Variants in TRPM4 observed in about 807,000 individuals in gnomAD.
TRPM4 encodes the protein transient receptor potential cation channel subfamily M member 4.
A neutral mutation model predicts 135.6 loss-of-function variants in TRPM4; 124 were observed. The observed-to-expected ratio is 0.91, with a 90% CI of 0.79 to 1.06. The LOEUF is 1.06. Ranked by LOEUF, TRPM4 falls within the 50% of genes least tolerant of loss-of-function variation. The probability of loss-of-function intolerance (pLI) is 0.00; values close to 1 mark genes in which losing one functional copy is unlikely to be tolerated. For synonymous variants in TRPM4, 745 were observed against 705.6 expected (o/e 1.06, Z -0.88); for missense variants, 1,658 against 1,671.4 (o/e 0.99, Z 0.14).
intron 6 of TRPM4, among the ~76,000 whole-genome samples, chr19:49,169,020 A>G (rs1272181763): frequency 6.6e-6 from 1 of 150,822 alleles, no homozygotes. Flanking sequence ...AATAATAATA[A>G]TAATAATAAT....
chr19:49,175,276 T>C (rs1331004912), intron 9 of TRPM4, among the ~76,000 whole-genome samples: 2 of 152,016 alleles, frequency 1.3e-5, no homozygotes, highest in African/African-American at 4.8e-5. Flanking sequence ...GGTTTCTCCA[T>C]ATTGGTCAGG....
At chr19:49,161,386 G>A (rs561276325) in intron 2 of TRPM4, among the ~76,000 whole-genome samples, 8 of 134,736 alleles carry the variant, frequency 5.9e-5, no homozygotes, top group Middle Eastern at 4.7e-3. Flanking sequence ...GGAGTGGCAC[G>A]ATCATGGTTC....
At chr19:49,202,336 T>C (rs965486686) in intron 20 of TRPM4, among the ~76,000 whole-genome samples, 195 bp downstream of exon 20, 2 of 152,114 alleles carry the variant, frequency 1.3e-5, no homozygotes, top group African/African-American at 4.8e-5. Flanking sequence ...TGAGCCCAGG[T>C]TGAACTTCCT....
At chr19:49,168,884 TTC>T in intron 6 of TRPM4, 148 bp downstream of exon 6, 1 of 973,394 alleles carries the variant, frequency 1.0e-6, no homozygotes. Context: ...TTTTAAAAAC[TTC>T]TGTCTGAGAG....
intron 17 of TRPM4, among the ~76,000 whole-genome samples, chr19:49,197,314 TTC>T (rs939066046): frequency 5.7e-4 from 45 of 79,264 alleles, no homozygotes; most frequent in African/African-American, 2.6e-3. Flanking sequence ...TTCTTTTTCT[TTC>T]TTTCTTTCTT....
At chr19:49,198,124 T>C (rs1157891687) in intron 17 of TRPM4, among the ~76,000 whole-genome samples, 1 of 152,124 alleles carries the variant, frequency 6.6e-6, no homozygotes, top group Non-Finnish European at 1.5e-5. Context: ...GTTAGCAGTG[T>C]TACAAAGTGA....
intron 17 of TRPM4, among the ~76,000 whole-genome samples, chr19:49,197,358 T>TC (rs1968721748): frequency 2.0e-5 from 2 of 100,540 alleles, no homozygotes; most frequent in Non-Finnish European, 3.7e-5. Flanking sequence ...CTTTCTTTCT[T>TC]TCTTTCTCTC....
intron 2 of TRPM4, chr19:49,158,688 C>T (rs549393423): frequency 5.6e-4 from 103 of 184,644 alleles, no homozygotes; most frequent in African/African-American, 2.4e-3. Flanking sequence ...ACGGCCCTGC[C>T]AGGGTTCCAA....
intron 13 of TRPM4, 66 bp downstream of exon 13, chr19:49,188,836 G>A (rs996759580): frequency 1.4e-5 from 23 of 1,612,438 alleles, no homozygotes; most frequent in African/African-American, 1.3e-4. Flanking sequence ...GTGCAACTCC[G>A]CACTCCTCAC....
At position 49,200,648 on chromosome 19, in the gene TRPM4, T is replaced by A. The variant is rs1383279295; in HGVS notation, c.2816T>A (p.Val939Glu). Residue 939 changes from valine (V) to glutamate (E), a missense_variant, in exon 19 of 25, where the codon GTG (valine) becomes GAG (glutamate). Physicochemically the swap from Val to Glu is moderately radical, Grantham distance 121. Coordinates refer to ENST00000252826, the MANE Select transcript of TRPM4 (RefSeq NM_017636.4). ...TTCTTCTTCCTCTTCTTCCTCGGCG[T>A]GTGGCTGGTAGCCTATGGCGTGGCC... ...DVFFFLFFLG[V>E]WLVAYGVATE... 6.2e-7 allele frequency: 1 copy of A among 1,613,816 alleles called. No individual in the cohort carries two copies. Among genetic ancestry groups the A allele is most frequent in the Non-Finnish European group, 8.5e-7 (1 of 1,180,030 alleles).
chr19:49,164,166 A>C (rs980898535), intron 2 of TRPM4, among the ~76,000 whole-genome samples: 3 of 152,020 alleles, frequency 2.0e-5, no homozygotes, highest in African/African-American at 7.2e-5. Context: ...TGGAATCTGG[A>C]ACAAAGAATT....
At chr19:49,179,851 A>C (rs1967849456) in intron 9 of TRPM4, among the ~76,000 whole-genome samples, 1 of 152,140 alleles carries the variant, frequency 6.6e-6, no homozygotes, top group Non-Finnish European at 1.5e-5. Flanking sequence ...ACAGCCTTGG[A>C]GGTTACACTG....
Position 49,181,467 on chromosome 19 carries a change from G to A in TRPM4, c.1263+6G>A. On this transcript the variant is annotated splice_donor_region_variant and intron_variant, in intron 10 of 24. Coordinates refer to ENST00000252826, the MANE Select transcript of TRPM4 (RefSeq NM_017636.4). ...GGGGGGACATCCAATGGCGGGTGAG[G>A]GGTCAGGGCCTGGGGGTTGGGCATA... 3.1e-6 allele frequency: 5 copies of A among 1,608,182 alleles called. No homozygotes were observed. In the South Asian group the frequency reaches 5.5e-5, roughly 18 times the overall value.
At chr19:49,181,169 G>C (rs529240657) in intron 9 of TRPM4, among the ~76,000 whole-genome samples, 180 bp from the exon 10 acceptor site, 30 of 152,200 alleles carry the variant, frequency 2.0e-4, no homozygotes, top group African/African-American at 7.2e-4. Context: ...CTCTGGCCCT[G>C]AGCCAAATGA....
chr19:49,183,226 TG>T lies in TRPM4; in HGVS notation c.1743+16del. 1 of 1,613,976 alleles carries T rather than the reference TG, an allele frequency of 6.2e-7. No homozygotes were observed. Reference sequence around the variant, plus strand: ...TTCTGGGAGATGGTGAGTGCTGACTTGGCGCTCCTGCATCCCTGTCCTTTAG... The same window carrying T: ...TTCTGGGAGATGGTGAGTGCTGACTTGCGCTCCTGCATCCCTGTCCTTTAG... On this transcript the variant is annotated intron_variant, in intron 12 of 24. Coordinates refer to ENST00000252826, the MANE Select transcript of TRPM4 (RefSeq NM_017636.4).
chr19:49,173,459 A>G (rs1337514555), intron 9 of TRPM4, among the ~76,000 whole-genome samples: 2 of 152,126 alleles, frequency 1.3e-5, no homozygotes, highest in East Asian at 1.9e-4. Flanking sequence ...TCTTCCATCT[A>G]TCCATCCACC....
intron 12 of TRPM4, among the ~76,000 whole-genome samples, chr19:49,188,152 A>G (rs1182448356): frequency 2.0e-5 from 3 of 152,212 alleles, no homozygotes; most frequent in Non-Finnish European, 4.4e-5. Flanking sequence ...ATTTCGTTTC[A>G]GAGTCAAACC....
intron 20 of TRPM4, among the ~76,000 whole-genome samples, chr19:49,202,918 T>C (rs1266283107): frequency 2.0e-5 from 3 of 146,914 alleles, no homozygotes; most frequent in African/African-American, 7.7e-5. Flanking sequence ...AGTCTCGCTG[T>C]GTCACCCAGG....
intron 16 of TRPM4, among the ~76,000 whole-genome samples, chr19:49,192,553 T>C (rs1968450314): frequency 6.6e-6 from 1 of 152,136 alleles, no homozygotes; most frequent in Admixed American, 6.5e-5. Context: ...CTGGAGGCCA[T>C]TATCCATAAC....
Sources: gnomAD v4.1 joint callset for allele counts (sites outside exome capture counted in the v4.1 genomes callset) on GRCh38, gnomAD v4.1.1 for gene constraint, MANE v1.5 for transcripts, NCBI Gene and HGNC (gene_info 2026-07-23, HGNC 2026-07-21) for gene names.